Variants in SYNPR observed in about 807,000 individuals in gnomAD.
SYNPR encodes synaptoporin.
SYNPR carries 23 observed loss-of-function variants against 32.9 expected under a neutral mutation model. The observed-to-expected ratio is 0.70, with a 90% confidence interval of 0.50 to 0.99. The LOEUF is 0.99. SYNPR is among the 50% of genes least tolerant of loss of function. The pLI, the probability that SYNPR is intolerant of heterozygous loss-of-function variation, is 0.00. For synonymous variants in SYNPR, 146 were observed against 135.9 expected, an observed-to-expected ratio of 1.07 and a Z score of -0.52; for missense variants, 318 against 349.3, an observed-to-expected ratio of 0.91 and a Z score of 0.71.
chr3:63,589,629 T>C (rs1357023551), intron 4 of SYNPR, among the ~76,000 whole-genome samples: 14 of 151,080 alleles, frequency 9.3e-5, no homozygotes, highest in Non-Finnish European at 1.8e-4. Flanking sequence ...GCTTCATCCC[T>C]GGGATGCAAG....
chr3:63,585,149 C>A (rs900505676), intron 4 of SYNPR, among the ~76,000 whole-genome samples: 8 of 152,112 alleles, frequency 5.3e-5, no homozygotes, highest in African/African-American at 1.7e-4. Flanking sequence ...TGCAAAAAAA[C>A]TGTGAATGTG....
intron 2 of SYNPR, among the ~76,000 whole-genome samples, chr3:63,314,950 G>A (rs904233408): frequency 1.3e-5 from 2 of 151,904 alleles, no homozygotes; most frequent in Non-Finnish European, 2.9e-5. Flanking sequence ...TCTCCTGCAT[G>A]TGCCTAGCCA....
chr3:63,254,455 G>C (rs1167152570), intron 2 of SYNPR, among the ~76,000 whole-genome samples: 19 of 152,060 alleles, frequency 1.2e-4, no homozygotes. Flanking sequence ...GAAAATAACA[G>C]ACTACATCAT....
rs11280661 is a variant in SYNPR, at chr3:63,290,141, A to AAAAATC, written c.84+11401_84+11402insAATCAA. Reference sequence around the variant, plus strand: ...CAAGACTCCGTCTCAAAAAACAAAAAAACTCCTTTTCACATATGAAAAAAT... The same window carrying AAAAATC: ...CAAGACTCCGTCTCAAAAAACAAAAAAAAATCAACTCCTTTTCACATATGAAAAAAT... On this transcript the variant is annotated intron_variant, in intron 2 of 5. Coordinates refer to ENST00000478300, the MANE Select transcript of SYNPR (RefSeq NM_001130003.2). Among the ~76,000 whole-genome samples, 111 of 145,510 alleles carry AAAAATC rather than the reference A, an allele frequency of 7.6e-4. 8 individuals carry two copies. Among genetic ancestry groups the AAAAATC allele is most frequent in the African/African-American group, 1.3e-3 (50 of 39,078 alleles).
chr3:63,202,523 G>T, the SYNPR span, among the ~76,000 whole-genome samples: 1 of 152,130 alleles, frequency 6.6e-6, no homozygotes, highest in Non-Finnish European at 1.5e-5. Flanking sequence ...GAGGAAAATT[G>T]CAGAGCAAAC....
chr3:63,309,791 T>A (rs898664241), intron 2 of SYNPR, among the ~76,000 whole-genome samples: 12 of 152,022 alleles, frequency 7.9e-5, no homozygotes, highest in African/African-American at 2.2e-4. Context: ...TCTACACTGC[T>A]TACTCCAGAG....
At chr3:63,255,393 T>C (rs1376538629) in intron 2 of SYNPR, among the ~76,000 whole-genome samples, 2 of 152,150 alleles carry the variant, frequency 1.3e-5, no homozygotes, top group African/African-American at 4.8e-5. Flanking sequence ...AAAGACGGTA[T>C]CCCTGGGCCT....
intron 5 of SYNPR, among the ~76,000 whole-genome samples, chr3:63,614,428 T>G (rs990802073): frequency 6.6e-6 from 1 of 152,184 alleles, no homozygotes; most frequent in Non-Finnish European, 1.5e-5. Context: ...TCTGGCTCAC[T>G]GACACCCTCC....
chr3:63,286,584 T>A (rs1250763739), intron 2 of SYNPR, among the ~76,000 whole-genome samples: 1 of 152,178 alleles, frequency 6.6e-6, no homozygotes, highest in Non-Finnish European at 1.5e-5. Context: ...GACTGAGGTA[T>A]GGGGACAGAA....
At chr3:63,521,611 G>A (rs943804300) in intron 3 of SYNPR, among the ~76,000 whole-genome samples, 2 of 152,186 alleles carry the variant, frequency 1.3e-5, no homozygotes, top group African/African-American at 2.4e-5. Flanking sequence ...CTACGTTGGA[G>A]TATTTTCTTG....
At chr3:63,546,497 A>AG (rs1020551369) in intron 3 of SYNPR, among the ~76,000 whole-genome samples, 2 of 152,010 alleles carry the variant, frequency 1.3e-5, no homozygotes, top group Non-Finnish European at 2.9e-5. Flanking sequence ...GCTGGGGGTG[A>AG]GGGGGGAACA....
rs138128212 is a variant in SYNPR at position 63,267,614 on chromosome 3, G to A, written n.287+165G>A. ...CTATCAGAAGCTGTTAGTTAAGAGG[G>A]ACAGGAAGAGACACCAGGAGAGAAA... On this transcript the variant is annotated intron_variant and non_coding_transcript_variant, in intron 3 of 4. Coordinates refer to the SYNPR transcript ENST00000478456. Among the ~76,000 whole-genome samples, 10 of 152,248 alleles carry A rather than the reference G, an allele frequency of 6.6e-5. No individual in the cohort carries two copies. In the East Asian group the frequency reaches 1.4e-3, roughly 21 times the overall value.
chr3:63,404,295 A>G (rs2088330130), intron 2 of SYNPR, among the ~76,000 whole-genome samples: 1 of 152,350 alleles, frequency 6.6e-6, no homozygotes, highest in South Asian at 2.1e-4. Context: ...TTTTTAAAAG[A>G]AGAGAGCAGC....
At chr3:63,357,197 G>A (rs997724211) in intron 2 of SYNPR, among the ~76,000 whole-genome samples, 12 of 152,232 alleles carry the variant, frequency 7.9e-5, no homozygotes, top group South Asian at 4.2e-4. Context: ...ATCGCTGTAC[G>A]TGTAAGGTGA....
chr3:63,376,354 C>T (rs1014858291), intron 2 of SYNPR, among the ~76,000 whole-genome samples: 2 of 152,148 alleles, frequency 1.3e-5, no homozygotes, highest in Non-Finnish European at 2.9e-5. Flanking sequence ...CATTAGTTAA[C>T]ATCCCCTTTC....
chr3:63,418,519 T>C (rs763028250), intron 2 of SYNPR, among the ~76,000 whole-genome samples: 1 of 152,218 alleles, frequency 6.6e-6, no homozygotes, highest in African/African-American at 2.4e-5. Flanking sequence ...TACTGTATTA[T>C]TCTGTTTTCA....
chr3:63,540,775 G>T (rs1702283228), intron 3 of SYNPR, among the ~76,000 whole-genome samples: 1 of 151,884 alleles, frequency 6.6e-6, no homozygotes. Flanking sequence ...TGATTTGCTA[G>T]AGGAGAGACA....
At chr3:63,230,961 A>T (rs1560163012) in intron 1 of SYNPR, among the ~76,000 whole-genome samples, 1 of 152,156 alleles carries the variant, frequency 6.6e-6, no homozygotes, top group Non-Finnish European at 1.5e-5. Context: ...GGAATGACTC[A>T]TAGTTTCCCC....
rs995488632 is a variant in SYNPR, at chr3:63,344,059, A to G, written c.84+65317A>G. On this transcript the variant is annotated intron_variant, in intron 2 of 5. Coordinates refer to ENST00000478300, the MANE Select transcript of SYNPR (RefSeq NM_001130003.2). ...GCTGTTCAGAGGCGGTTCATTTGCA[A>G]TCAGTTTCAAAGACTGTGGATGGGA... Among the ~76,000 whole-genome samples, 5 of 152,232 alleles carry G rather than the reference A, an allele frequency of 3.3e-5. No homozygotes were observed. In the South Asian group the frequency reaches 8.3e-4, roughly 25 times the overall value.
Sources: allele counts gnomAD v4.1 joint callset (sites outside exome capture counted in the v4.1 genomes callset), GRCh38; gene constraint gnomAD v4.1.1; transcripts MANE v1.5; gene names NCBI Gene and HGNC (gene_info 2026-07-23, HGNC 2026-07-21).